NDUFAF2: variants seen among roughly 807,000 people sequenced by gnomAD.
The protein encoded by NDUFAF2 is NADH:ubiquinone oxidoreductase complex assembly factor 2.
NDUFAF2 carries 13 observed loss-of-function variants against 22.8 expected under a neutral mutation model. The ratio of observed to expected loss-of-function variants is 0.57; its 90% CI spans 0.37 to 0.91. The LOEUF is 0.91. NDUFAF2 is among the 40% of genes least tolerant of loss of function. The pLI is 0.01. For synonymous variants in NDUFAF2, 53 were observed against 64.2 expected (o/e 0.83, Z 0.84); for missense variants, 162 against 195.2 (o/e 0.83, Z 1.01).
chr5:60,952,027 C>T (rs368029091), intron 1 of NDUFAF2, among the ~76,000 whole-genome samples: 29 of 151,322 alleles, frequency 1.9e-4, no homozygotes, highest in African/African-American at 6.8e-4. Flanking sequence ...AATACCTCTT[C>T]ATTATCTTTT....
chr5:60,989,141 C>T (rs1243058002), intron 1 of NDUFAF2, among the ~76,000 whole-genome samples: 2 of 152,066 alleles, frequency 1.3e-5, no homozygotes, highest in African/African-American at 2.4e-5. Flanking sequence ...ATACATGCAG[C>T]CAACAAGCAT....
chr5:60,968,957 T>C (rs1750793203), intron 1 of NDUFAF2, among the ~76,000 whole-genome samples: 1 of 152,110 alleles, frequency 6.6e-6, no homozygotes, highest in Non-Finnish European at 1.5e-5. Flanking sequence ...AGTGAGAACA[T>C]GTGAAATTTG....
chr5:61,130,100 C>A (rs1753090551), intron 3 of NDUFAF2, among the ~76,000 whole-genome samples: 1 of 152,024 alleles, frequency 6.6e-6, no homozygotes, highest in East Asian at 1.9e-4. Flanking sequence ...ACCTTGATGT[C>A]TTTTAAAAAA....
intron 1 of NDUFAF2, among the ~76,000 whole-genome samples, chr5:60,964,630 T>A (rs62365458): frequency 0.4 from 60,503 of 151,728 alleles, 12,986 homozygotes; most frequent in East Asian, 0.8. Context: ...TTTATATTCT[T>A]TGGTAGAGAC....
intron 3 of NDUFAF2, among the ~76,000 whole-genome samples, chr5:61,127,503 A>G (rs1753052277): frequency 6.6e-6 from 1 of 152,336 alleles, no homozygotes; most frequent in East Asian, 1.9e-4. Context: ...CACATAATCC[A>G]GCATACAAAC....
rs559052546 is a variant in NDUFAF2, at chr5:61,136,359, A to G, written c.259-16345A>G. On this transcript the variant is annotated intron_variant, in intron 3 of 3. Coordinates refer to ENST00000296597, the MANE Select transcript of NDUFAF2 (RefSeq NM_174889.5). ...GTCAAGCACCTTTTAATTTCCTGGA[A>G]AGCTAGTGTGATCTATGGAAGACTT... Among the ~76,000 whole-genome samples, 5 of 152,080 alleles carry G rather than the reference A, an allele frequency of 3.3e-5. No individual in the cohort carries two copies. The East Asian group carries it at 9.7e-4, about 29-fold the overall frequency.
intron 3 of NDUFAF2, chr5:61,146,130 C>T (rs1741134468): frequency 1.3e-5 from 2 of 152,118 alleles, no homozygotes; most frequent in South Asian, 4.1e-4. Flanking sequence ...TAACAACAGC[C>T]CTTTTGTCTC....
At chr5:60,974,975 C>A (rs1446929184) in intron 1 of NDUFAF2, among the ~76,000 whole-genome samples, 1 of 151,896 alleles carries the variant, frequency 6.6e-6, no homozygotes, top group African/African-American at 2.4e-5. Flanking sequence ...ACCACCACAT[C>A]CAGCTTATTT....
chr5:61,072,244 C>T (rs1344078971), intron 1 of NDUFAF2, among the ~76,000 whole-genome samples: 3 of 152,212 alleles, frequency 2.0e-5, no homozygotes, highest in African/African-American at 7.2e-5. Flanking sequence ...ATCAGTCTAC[C>T]ATAGCCATAA....
At chr5:61,010,995 C>T (rs1751436033) in intron 1 of NDUFAF2, among the ~76,000 whole-genome samples, 1 of 152,068 alleles carries the variant, frequency 6.6e-6, no homozygotes, top group African/African-American at 2.4e-5. Flanking sequence ...GCTGTAAGGA[C>T]AGCAGAGTAG....
intron 1 of NDUFAF2, among the ~76,000 whole-genome samples, chr5:60,958,012 C>T (rs1323027227): frequency 1.3e-5 from 2 of 152,122 alleles, no homozygotes; most frequent in African/African-American, 4.8e-5. Flanking sequence ...CTTAGCCTTG[C>T]TCCTCCAATT....
intron 3 of NDUFAF2, among the ~76,000 whole-genome samples, chr5:61,105,293 TTGAG>T (rs1752748719): frequency 6.6e-6 from 1 of 151,416 alleles, no homozygotes; most frequent in Admixed American, 6.6e-5. Flanking sequence ...CTGGCATTCA[TTGAG>T]TAAGTTATCT....
In NDUFAF2 at chr5:61,035,424, G is replaced by GTTTTTTTTTTTTTT. The variant is rs768889484; in HGVS notation, c.128-37686_128-37673dup. 2.7e-4 allele frequency among the ~76,000 whole-genome samples: 11 copies of GTTTTTTTTTTTTTT among 40,520 alleles called. 2 individuals are homozygous for GTTTTTTTTTTTTTT. The highest frequency in any genetic ancestry group is 9.9e-4 in the South Asian group (1 of 1,008). 26.6% of individuals were successfully genotyped at this position (40,520 alleles called of 152,430 possible). Reference sequence around the variant, plus strand: ...GACAACTCTCTTTCTCTCTTGCTCTGTTTTTTTTTTTTTTTTTTTTTTTTT... The same window carrying GTTTTTTTTTTTTTT: ...GACAACTCTCTTTCTCTCTTGCTCTGTTTTTTTTTTTTTTTTTTTTTTTTTTTTTTTTTTTTTTT... On this transcript the variant is annotated intron_variant, in intron 1 of 3. Coordinates refer to ENST00000296597, the MANE Select transcript of NDUFAF2 (RefSeq NM_174889.5).
chr5:61,118,560 G>A (rs1174165553), intron 3 of NDUFAF2, among the ~76,000 whole-genome samples: 1 of 151,996 alleles, frequency 6.6e-6, no homozygotes, highest in African/African-American at 2.4e-5. Flanking sequence ...ATGAGGACTA[G>A]CCTTGCCAAT....
chr5:60,950,925 G>T (rs1017858050), intron 1 of NDUFAF2, among the ~76,000 whole-genome samples: 1 of 151,996 alleles, frequency 6.6e-6, no homozygotes. Flanking sequence ...TCATGTAGTT[G>T]CTGTCATATA....
chr5:61,071,748 C>G (rs373876658), intron 1 of NDUFAF2, among the ~76,000 whole-genome samples: 21 of 152,200 alleles, frequency 1.4e-4, no homozygotes, highest in African/African-American at 5.1e-4. Flanking sequence ...CTAATGACTT[C>G]TCTGTCTCAG....
chr5:60,961,765 CAAA>C lies in NDUFAF2; in HGVS notation c.127+16400_127+16402del, dbSNP rs11333036. Among the ~76,000 whole-genome samples, 661 of 114,738 alleles carry C rather than the reference CAAA, an allele frequency of 5.8e-3. 6 individuals are homozygous for C. Among genetic ancestry groups the C allele is most frequent in the African/African-American group, 0.021 (621 of 29,890 alleles). 75.3% of individuals were successfully genotyped at this position (114,738 alleles called of 152,430 possible). A position where few individuals can be genotyped will look rare whatever the true frequency, so the allele number is the denominator to read the frequency against. On this transcript the variant is annotated intron_variant, in intron 1 of 3. Coordinates refer to ENST00000296597, the MANE Select transcript of NDUFAF2 (RefSeq NM_174889.5). ...TGGGCAACAGAAGGAGACTCTGTCT[CAAA>C]AAAAAAAAAAAAAAAATTTACTATG...
intron 3 of NDUFAF2, among the ~76,000 whole-genome samples, chr5:61,151,714 A>ATTGCGGTGAGCCGAGG (rs1273184363): frequency 6.6e-6 from 1 of 151,962 alleles, no homozygotes; most frequent in Non-Finnish European, 1.5e-5. Flanking sequence ...GAAGGTGGAG[A>ATTGCGGTGAGCCGAGG]TTGCGGTGAG....
At chr5:61,015,853 A>G (rs969544381) in intron 1 of NDUFAF2, among the ~76,000 whole-genome samples, 6 of 152,170 alleles carry the variant, frequency 3.9e-5, no homozygotes, top group Admixed American at 3.9e-4. Context: ...TATGGATTAT[A>G]TTTTAACAAT....
Sources: gnomAD v4.1 joint callset for allele counts (sites outside exome capture counted in the v4.1 genomes callset) on GRCh38, gnomAD v4.1.1 for gene constraint, MANE v1.5 for transcripts, NCBI Gene and HGNC (gene_info 2026-07-23, HGNC 2026-07-21) for gene names.